Variants in CCSER1 observed in about 807,000 individuals in gnomAD.
CCSER1 encodes serine-rich coiled-coil domain-containing protein 1.
A neutral mutation model predicts 82.0 loss-of-function variants in CCSER1; 41 were observed. The ratio of observed to expected loss-of-function variants is 0.50; its 90% CI spans 0.39 to 0.65. The LOEUF is 0.65. Ranked by LOEUF, CCSER1 falls within the 30% of genes least tolerant of loss-of-function variation. The pLI is 0.00. For missense variants in CCSER1, 1,119 were observed against 1,064.2 expected, an observed-to-expected ratio of 1.05 and a Z score of -0.72; for synonymous variants, 414 against 383.9, an observed-to-expected ratio of 1.08 and a Z score of -0.92.
intron 7 of CCSER1, among the ~76,000 whole-genome samples, chr4:90,779,156 GAT>G (rs1336713348): frequency 1.3e-5 from 2 of 152,106 alleles, no homozygotes; most frequent in African/African-American, 4.8e-5. Flanking sequence ...AAGCACAAAT[GAT>G]ATGACTTATT....
chr4:91,435,367 T>G (rs1280396843), intron 10 of CCSER1, among the ~76,000 whole-genome samples: 1 of 151,502 alleles, frequency 6.6e-6, no homozygotes, highest in African/African-American at 2.4e-5. Flanking sequence ...CCTGAGCCCA[T>G]GAGATCACGG....
At position 90,355,387 on chromosome 4, in the gene CCSER1, AACTT is replaced by A. The variant is rs541280068; in HGVS notation, c.1509+42345_1509+42348del. On this transcript the variant is annotated intron_variant, in intron 3 of 10. Coordinates refer to ENST00000509176, the MANE Select transcript of CCSER1 (RefSeq NM_001145065.2). ...TATTACACAGCTGGCATAGATTTTT[AACTT>A]ACTTTGTGTTAGGTCTCCTGCTTTA... Among the ~76,000 whole-genome samples the A allele has an allele frequency of 1.8e-4, 27 of 152,126 alleles. No homozygotes were observed. In the South Asian group the frequency reaches 5.0e-3, roughly 28 times the overall value.
intron 5 of CCSER1, among the ~76,000 whole-genome samples, chr4:90,502,822 G>C (rs1464857643): frequency 6.6e-6 from 1 of 152,028 alleles, no homozygotes; most frequent in Non-Finnish European, 1.5e-5. Context: ...CTTTATACCA[G>C]ACAGACTATA....
intron 1 of CCSER1, among the ~76,000 whole-genome samples, chr4:90,184,695 A>G (rs762335514): frequency 3.3e-5 from 5 of 152,088 alleles, no homozygotes; most frequent in African/African-American, 7.2e-5. Context: ...CAGCCTGCAG[A>G]TGGTGTGAAA....
In CCSER1 at chr4:90,194,842, A is replaced by G. The variant is rs187640040; in HGVS notation, c.-42+67011A>G. Among the ~76,000 whole-genome samples the G allele has an allele frequency of 5.7e-3, 871 of 152,204 alleles. 7 individuals are homozygous for G. Among genetic ancestry groups the G allele is most frequent in the Admixed American group, 0.011 (172 of 15,260 alleles). The stretch of plus-strand genomic sequence containing the variant: ...ACACTTAAATAGCATAAGAGGAAGT[A>G]ATGAGTATACTCTTACTGTAGTCCT... On this transcript the variant is annotated intron_variant, in intron 1 of 10. Coordinates refer to ENST00000509176, the MANE Select transcript of CCSER1 (RefSeq NM_001145065.2).
intron 1 of CCSER1, among the ~76,000 whole-genome samples, chr4:90,204,426 C>G (rs1738386907): frequency 6.6e-6 from 1 of 152,118 alleles, no homozygotes; most frequent in Admixed American, 6.6e-5. Flanking sequence ...GCCAGTTTTC[C>G]CAACACCATT....
chr4:90,468,640 A>G (rs1015596941), intron 5 of CCSER1: 3 of 223,410 alleles, frequency 1.3e-5, no homozygotes, highest in Admixed American at 5.5e-5. Flanking sequence ...GATTGTGGGT[A>G]CACTGTTCTT....
chr4:90,253,244 AG>A (rs1188818100), intron 1 of CCSER1, among the ~76,000 whole-genome samples: 1 of 152,138 alleles, frequency 6.6e-6, no homozygotes, highest in Non-Finnish European at 1.5e-5. Context: ...AGGAATGGAA[AG>A]AAATGTGCAA....
chr4:90,505,012 A>C (rs1056155930), intron 5 of CCSER1, among the ~76,000 whole-genome samples: 1 of 152,198 alleles, frequency 6.6e-6, no homozygotes, highest in Non-Finnish European at 1.5e-5. Context: ...GGGCCACAGA[A>C]CAACATGATT....
At chr4:91,565,026 TTGTGTGTG>T (rs56723869) in intron 10 of CCSER1, among the ~76,000 whole-genome samples, 24,440 of 130,612 alleles carry the variant, frequency 0.19, 2,351 homozygotes, top group Middle Eastern at 0.29. Context: ...GCACCTTGAG[TTGTGTGTG>T]TGTGTGTGTG....
At chr4:91,378,700 G>A (rs147721459) in intron 10 of CCSER1, among the ~76,000 whole-genome samples, 3,125 of 152,174 alleles carry the variant, frequency 0.021, 87 homozygotes, top group African/African-American at 0.07. Context: ...CTGCAAAGAG[G>A]GACAATTTGA....
chr4:91,492,335 G>A (rs1758593040), intron 10 of CCSER1, among the ~76,000 whole-genome samples: 1 of 152,058 alleles, frequency 6.6e-6, no homozygotes, highest in South Asian at 2.1e-4. Context: ...AAAGGGAGTT[G>A]CTGAATCTCT....
chr4:90,396,745 T>C (rs539345805), intron 3 of CCSER1, among the ~76,000 whole-genome samples: 11 of 152,340 alleles, frequency 7.2e-5, no homozygotes, highest in African/African-American at 2.6e-4. Context: ...TAGGTGAATT[T>C]TGTTTTCTCG....
chr4:90,970,823 C>T (rs1735031886), intron 9 of CCSER1, among the ~76,000 whole-genome samples: 1 of 151,516 alleles, frequency 6.6e-6, no homozygotes, highest in African/African-American at 2.4e-5. Flanking sequence ...TAAACACACT[C>T]CTAAATAATG....
chr4:91,386,566 G>T (rs1485961134), intron 10 of CCSER1, among the ~76,000 whole-genome samples: 1 of 152,030 alleles, frequency 6.6e-6, no homozygotes, highest in Non-Finnish European at 1.5e-5. Context: ...GATCATCAAT[G>T]GATGATAAGT....
chr4:91,305,869 C>T (rs1005638531), intron 10 of CCSER1, among the ~76,000 whole-genome samples: 2 of 151,908 alleles, frequency 1.3e-5, no homozygotes, highest in Non-Finnish European at 2.9e-5. Flanking sequence ...TTCAGGGGAA[C>T]TGCCATTTAT....
intron 3 of CCSER1, among the ~76,000 whole-genome samples, chr4:90,383,269 C>T (rs1395945386): frequency 6.6e-6 from 1 of 151,926 alleles, no homozygotes; most frequent in Non-Finnish European, 1.5e-5. Context: ...CATTTTGAAA[C>T]AGCACAGTAA....
At chr4:91,021,832 AAG>A (rs1378545003) in intron 9 of CCSER1, among the ~76,000 whole-genome samples, 2 of 152,200 alleles carry the variant, frequency 1.3e-5, no homozygotes, top group African/African-American at 2.4e-5. Flanking sequence ...TTTTTTAAAA[AAG>A]AATTAAGATG....
chr4:90,288,170 C>A (rs771404980), intron 1 of CCSER1, among the ~76,000 whole-genome samples: 2 of 150,182 alleles, frequency 1.3e-5, no homozygotes, highest in Non-Finnish European at 2.9e-5. Flanking sequence ...GGCAATCAAT[C>A]CTGTACAAAG....
Sources: allele counts gnomAD v4.1 joint callset (sites outside exome capture counted in the v4.1 genomes callset), GRCh38; gene constraint gnomAD v4.1.1; transcripts MANE v1.5; gene names NCBI Gene and HGNC (gene_info 2026-07-23, HGNC 2026-07-21).